Variants in PTPRD observed in about 807,000 individuals in gnomAD.
PTPRD encodes the protein receptor-type tyrosine-protein phosphatase delta.
A neutral mutation model predicts 214.5 loss-of-function variants in PTPRD; 34 were observed. The observed-to-expected ratio is 0.16, with a 90% CI of 0.12 to 0.21. PTPRD has a LOEUF of 0.21. Ranked by LOEUF, PTPRD falls within the 10% of genes least tolerant of loss-of-function variation. PTPRD has a pLI of 1.00. For missense variants in PTPRD, 2,545 were observed against 2,398.7 expected (o/e 1.06, Z -1.27); for synonymous variants, 1,128 against 845.7 (o/e 1.33, Z -5.79).
intron 10 of PTPRD, among the ~76,000 whole-genome samples, chr9:9,031,511 T>C (rs547840159): frequency 8.5e-5 from 13 of 152,142 alleles, no homozygotes; most frequent in East Asian, 3.9e-4. Context: ...TCTAAACATA[T>C]ATAACCATAG....
At chr9:8,907,232 T>C (rs1566939025) in intron 11 of PTPRD, among the ~76,000 whole-genome samples, 1 of 152,058 alleles carries the variant, frequency 6.6e-6, no homozygotes, top group Non-Finnish European at 1.5e-5. Flanking sequence ...CCACAATATG[T>C]TATCTAAAAT....
At chr9:8,867,136 C>T (rs952207351) in intron 11 of PTPRD, among the ~76,000 whole-genome samples, 3 of 152,264 alleles carry the variant, frequency 2.0e-5, no homozygotes, top group South Asian at 2.1e-4. Flanking sequence ...TGAAGAACAA[C>T]AGATGACGGA....
intron 7 of PTPRD, among the ~76,000 whole-genome samples, chr9:9,706,795 T>C (rs2097623369): frequency 1.3e-5 from 2 of 151,902 alleles, no homozygotes; most frequent in African/African-American, 2.4e-5. Context: ...ACCGGAAACA[T>C]ATATATAAGA....
At chr9:9,140,711 T>C (rs1179641640) in intron 10 of PTPRD, among the ~76,000 whole-genome samples, 1 of 152,240 alleles carries the variant, frequency 6.6e-6, no homozygotes, top group Non-Finnish European at 1.5e-5. Flanking sequence ...CCTAAGTAGC[T>C]GGGACTACAG....
chr9:10,400,626 T>A (rs569201490), intron 2 of PTPRD, among the ~76,000 whole-genome samples: 121 of 151,738 alleles, frequency 8.0e-4, no homozygotes, highest in Non-Finnish European at 1.4e-3. Flanking sequence ...ATTTAGCAAG[T>A]TTGAAAGGAT....
intron 8 of PTPRD, among the ~76,000 whole-genome samples, chr9:9,536,555 G>C (rs776385467): frequency 3.1e-4 from 47 of 152,086 alleles, no homozygotes; most frequent in Non-Finnish European, 4.7e-4. Context: ...AAAATGATTG[G>C]TAGATTATCA....
At chr9:8,962,354 G>A (rs1179895364) in intron 11 of PTPRD, among the ~76,000 whole-genome samples, 3 of 152,076 alleles carry the variant, frequency 2.0e-5, no homozygotes, top group Non-Finnish European at 4.4e-5. Flanking sequence ...ATTCAGAGAG[G>A]CTAATATGTG....
In PTPRD at chr9:9,838,365, A is replaced by G. The variant is rs921991969; in HGVS notation, c.-367-71514T>C. ...CCACACTGACTTCCACAATGGTTGA[A>G]CTAGTTTACAGTCCCACCAACAGTG... On this transcript the variant is annotated intron_variant, in intron 5 of 45. Transcript: ENST00000381196. 1.4e-4 allele frequency among the ~76,000 whole-genome samples: 21 copies of G among 151,954 alleles called. 1 individual carries two copies. Among genetic ancestry groups the G allele is most frequent in the Non-Finnish European group, 3.1e-4 (21 of 67,982 alleles).
At chr9:8,373,273 T>A (rs1435112420) in intron 39 of PTPRD, among the ~76,000 whole-genome samples, 3 of 152,034 alleles carry the variant, frequency 2.0e-5, no homozygotes, top group Non-Finnish European at 4.4e-5. Context: ...GGATTCAAGA[T>A]AACATGGATG....
intron 9 of PTPRD, among the ~76,000 whole-genome samples, chr9:9,303,838 T>A (rs968672586): frequency 2.0e-5 from 3 of 152,138 alleles, no homozygotes; most frequent in African/African-American, 7.2e-5. Flanking sequence ...GGCAACCACA[T>A]TGCCCTTGTT....
chr9:10,098,099 T>G (rs1400207917), intron 3 of PTPRD, among the ~76,000 whole-genome samples: 1 of 151,698 alleles, frequency 6.6e-6, no homozygotes, highest in Non-Finnish European at 1.5e-5. Flanking sequence ...AATCCAAATG[T>G]CCAACAATGA....
intron 11 of PTPRD, among the ~76,000 whole-genome samples, chr9:9,015,254 G>C (rs1417879637): frequency 6.6e-6 from 1 of 152,096 alleles, no homozygotes; most frequent in Non-Finnish European, 1.5e-5. Flanking sequence ...GGCATTCTAA[G>C]TCACAGGATG....
At position 10,505,699 on chromosome 9, in the gene PTPRD, A is replaced by C. The variant is rs201775660; in HGVS notation, c.-600+106699T>G. Among the ~76,000 whole-genome samples the C allele has an allele frequency of 3.0e-4, 46 of 152,138 alleles. No homozygotes were observed. In the East Asian group the frequency reaches 8.3e-3, roughly 27 times the overall value. ...AACAACAAAAAGTTAAAAAAAAAAA[A>C]ACTGCAGATTAAACCCAGCTATAGT... On this transcript the variant is annotated intron_variant, in intron 2 of 45. Transcript: ENST00000381196.
chr9:8,492,702 T>G (rs904038025), intron 27 of PTPRD, among the ~76,000 whole-genome samples, 160 bp downstream of exon 27: 1 of 127,262 alleles, frequency 7.9e-6, no homozygotes, highest in Admixed American at 7.6e-5. Flanking sequence ...TTCCCTGATC[T>G]ATTTTTTTTT....
At chr9:9,373,471 T>C (rs972847902) in intron 9 of PTPRD, among the ~76,000 whole-genome samples, 1 of 152,082 alleles carries the variant, frequency 6.6e-6, no homozygotes, top group Non-Finnish European at 1.5e-5. Context: ...GAGGCCAGAA[T>C]TCTGAAATGA....
At chr9:9,684,121 A>G (rs2097126052) in intron 7 of PTPRD, among the ~76,000 whole-genome samples, 1 of 151,650 alleles carries the variant, frequency 6.6e-6, no homozygotes, top group African/African-American at 2.4e-5. Context: ...TTGTTCAACA[A>G]AAAGGCAGCC....
At chr9:8,820,207 G>A (rs1321241216) in intron 11 of PTPRD, among the ~76,000 whole-genome samples, 1 of 151,814 alleles carries the variant, frequency 6.6e-6, no homozygotes, top group Admixed American at 6.6e-5. Context: ...AAATAATACA[G>A]GTGCAATTCT....
At chr9:10,157,533 AC>A (rs2099101006) in intron 3 of PTPRD, among the ~76,000 whole-genome samples, 1 of 152,124 alleles carries the variant, frequency 6.6e-6, no homozygotes, top group African/African-American at 2.4e-5. Context: ...TTTGTAGGTA[AC>A]TGGACCTTTC....
intron 3 of PTPRD, among the ~76,000 whole-genome samples, chr9:10,316,255 T>C (rs780777827): frequency 2.0e-5 from 3 of 151,058 alleles, no homozygotes; most frequent in Non-Finnish European, 4.4e-5. Context: ...ATAAGAAAAG[T>C]ATACTATTCC....
Sources: allele counts gnomAD v4.1 joint callset (sites outside exome capture counted in the v4.1 genomes callset), GRCh38; gene constraint gnomAD v4.1.1; transcripts MANE v1.5; gene names NCBI Gene and HGNC (gene_info 2026-07-23, HGNC 2026-07-21).